AMY2B: variants seen among roughly 807,000 people sequenced by gnomAD.
The protein encoded by AMY2B is alpha-amylase 2B.
A neutral mutation model predicts 59.3 loss-of-function variants in AMY2B; 63 were observed. The ratio of observed to expected loss-of-function variants is 1.06; its 90% CI spans 0.87 to 1.31. The LOEUF (loss-of-function observed/expected upper bound fraction) is 1.31. Among genes scored for constraint, AMY2B ranks in the 50% most tolerant of loss-of-function variants. AMY2B has a pLI of 0.00. For synonymous variants in AMY2B, 180 were observed against 198.1 expected, an observed-to-expected ratio of 0.91 and a Z score of 0.77; for missense variants, 635 against 626.7, an observed-to-expected ratio of 1.01 and a Z score of -0.14.
intron 1 of AMY2B, among the ~76,000 whole-genome samples, chr1:103,560,537 C>A (rs928943225): frequency 6.6e-6 from 1 of 151,618 alleles, no homozygotes; most frequent in African/African-American, 2.4e-5. Context: ...TTTTTTTTAC[C>A]CTATACCACA....
intron 4 of AMY2B, 33 bp from the exon 5 acceptor site, chr1:103,574,227 G>C (rs1456392658): frequency 6.2e-7 from 1 of 1,611,316 alleles, no homozygotes; most frequent in Non-Finnish European, 8.5e-7. Flanking sequence ...AAGTCCTTAT[G>C]CAAAATGTTA....
Position 103,574,352 on chromosome 1 carries a change from A to C in AMY2B, c.837A>C (p.Thr279=), listed in dbSNP as rs550691635. The change falls in exon 5 of 10, where the codon ACA becomes ACC. Residue 279 remains threonine (T), a synonymous_variant. Transcript: ENST00000684275. ...TEFKYGAKLG[T]VIRKWNGEKM... The stretch of plus-strand genomic sequence containing the variant: ...TCAAGTATGGTGCAAAACTCGGCAC[A>C]GTTATTCGCAAGTGGAATGGAGAGA... 1 of 1,611,802 alleles carries C rather than the reference A, an allele frequency of 6.2e-7. No homozygotes were observed. The highest frequency in any genetic ancestry group is 2.2e-5 in the East Asian group (1 of 44,860).
At chr1:103,577,894 G>A (rs1341697947) in intron 9 of AMY2B, 49 bp downstream of exon 9, 1 of 1,590,842 alleles carries the variant, frequency 6.3e-7, no homozygotes, top group Non-Finnish European at 8.5e-7. Context: ...TATGCTCTTG[G>A]TTTATTCCTT....
intron 1 of AMY2B, among the ~76,000 whole-genome samples, chr1:103,558,070 G>A (rs1557764572): frequency 6.6e-6 from 1 of 151,824 alleles, no homozygotes; most frequent in Non-Finnish European, 1.5e-5. Context: ...ATATACTATT[G>A]TTCATAAATA....
chr1:103,578,509 A>C (rs1338831322), intron 9 of AMY2B, among the ~76,000 whole-genome samples: 2 of 152,172 alleles, frequency 1.3e-5, no homozygotes, highest in Non-Finnish European at 2.9e-5. Context: ...CAAACAGTTG[A>C]ATTGTCTCTG....
intron 1 of AMY2B, chr1:103,555,295 A>G (rs1218157590): frequency 1.3e-5 from 2 of 151,592 alleles, no homozygotes; most frequent in Non-Finnish European, 1.5e-5. Flanking sequence ...ACATAATATT[A>G]TAAAAAATAT....
At chr1:103,570,624 C>T (rs1652090398), upstream of AMY2B, 1 of 588,034 alleles carries the variant, frequency 1.7e-6, no homozygotes, top group Non-Finnish European at 3.4e-6. Context: ...GATTAGCAAG[C>T]AATAGTACAA....
chr1:103,575,486 T>A lies in AMY2B; in HGVS notation c.1047T>A (p.Gly349=), dbSNP rs1224739682. The A allele has an allele frequency of 5.6e-6, 9 of 1,613,726 alleles. No homozygotes were observed. The highest frequency in any genetic ancestry group is 2.2e-5 in the South Asian group (2 of 91,050). The stretch of plus-strand genomic sequence containing the variant: ...GATTTATGCTTGCTCATCCTTATGG[T>A]TTTACACGAGTAATGTCAAGCTACC... The part of the protein sequence containing the change: ...AVGFMLAHPY[G]FTRVMSSYRW... The change falls in exon 7 of 10, where the codon GGT becomes GGA. Residue 349 remains glycine, a synonymous_variant. Coordinates refer to ENST00000684275, the MANE Select transcript of AMY2B (RefSeq NM_001387437.1).
rs749647052 is a variant in AMY2B, at chr1:103,573,779, C to A, written c.585C>A (p.Ala195=). 1.2e-6 allele frequency: 2 copies of A among 1,613,712 alleles called. No homozygotes were observed. The highest frequency in any genetic ancestry group is 1.7e-6 in the Non-Finnish European group (2 of 1,179,736). The stretch of plus-strand genomic sequence containing the variant: ...AAGATTATGTGCGTTCCAAGATTGC[C>A]GAATATATGAATCATCTCATTGACA... ...LEKDYVRSKI[A]EYMNHLIDIG... Residue 195 remains alanine, a synonymous_variant, in exon 4 of 10, where the codon GCC becomes GCA. Transcript: ENST00000684275.
At chr1:103,570,058 G>A (rs183777813), upstream of AMY2B, 209 of 435,940 alleles carry the variant, frequency 4.8e-4, 2 homozygotes, top group East Asian at 0.01. Flanking sequence ...TAAGGGCTAC[G>A]CCCTCCCTGA....
At chr1:103,577,290 A>T in intron 7 of AMY2B, 200 bp from the exon 8 acceptor site, 2 of 1,064,188 alleles carry the variant, frequency 1.9e-6, no homozygotes, top group Non-Finnish European at 2.7e-6. Flanking sequence ...TTTGTTTGAA[A>T]TATGGCAAAA....
At chr1:103,570,649 C>G (rs1194744772), upstream of AMY2B, 1 of 587,182 alleles carries the variant, frequency 1.7e-6, no homozygotes, top group Admixed American at 1.9e-5. Flanking sequence ...TTGGCCCCCT[C>G]CATCGTCCAC....
At chr1:103,559,570 T>C (rs1321332556) in intron 1 of AMY2B, among the ~76,000 whole-genome samples, 1 of 152,096 alleles carries the variant, frequency 6.6e-6, no homozygotes, top group African/African-American at 2.4e-5. Context: ...AGCAGTGATA[T>C]ATTAGGAAAA....
chr1:103,564,874 T>C (rs1388397610), intron 1 of AMY2B, among the ~76,000 whole-genome samples: 2 of 152,138 alleles, frequency 1.3e-5, no homozygotes, highest in South Asian at 4.2e-4. Flanking sequence ...TATTCATCGG[T>C]TTCTCTAAAC....
intron 1 of AMY2B, among the ~76,000 whole-genome samples, chr1:103,560,144 G>C (rs781072041): frequency 3.9e-5 from 6 of 152,008 alleles, no homozygotes; most frequent in Non-Finnish European, 7.4e-5. Flanking sequence ...ATTTGGTCAG[G>C]TTAATTAAAA....
At chr1:103,574,234 G>A (rs376333897) in intron 4 of AMY2B, 26 bp from the exon 5 acceptor site, 59 of 1,611,336 alleles carry the variant, frequency 3.7e-5, no homozygotes, top group Non-Finnish European at 4.4e-5. Context: ...TATGCAAAAT[G>A]TTACTTTTTC....
rs2101072042 is a variant in AMY2B at position 103,571,640 on chromosome 1, G to T, written c.38G>T (p.Cys13Phe). 1 of 1,611,862 alleles carries T rather than the reference G, an allele frequency of 6.2e-7. No homozygotes were observed. The highest frequency in any genetic ancestry group is 1.3e-5 in the African/African-American group (1 of 74,966). ...CTGTTGCTTTTCACCATTGGGTTCT[G>T]CTGGGCTCAGTATTCCCCAAATACA... ...FFLLLFTIGF[C>F]WAQYSPNTQQ... is the part of the protein sequence containing the mutation. The change falls in exon 1 of 10, where the codon TGC becomes TTC. Residue 13 changes from cysteine (C) to phenylalanine (F), a missense_variant. Physicochemically the swap from Cys to Phe is radical, Grantham distance 205 (BLOSUM62 -2). Transcript: ENST00000684275.
upstream of AMY2B, chr1:103,571,158 T>A: frequency 1.1e-6 from 1 of 938,370 alleles, no homozygotes; most frequent in Non-Finnish European, 1.3e-6. Flanking sequence ...TCTTAGCTTC[T>A]GTTGTCTGCC....
intron 7 of AMY2B, chr1:103,575,766 T>C: frequency 3.7e-6 from 2 of 545,038 alleles, no homozygotes; most frequent in Admixed American, 4.1e-5. Flanking sequence ...AACATCCCCC[T>C]AGCCCACAGG....
Sources: gnomAD v4.1 joint callset for allele counts (sites outside exome capture counted in the v4.1 genomes callset) on GRCh38, gnomAD v4.1.1 for gene constraint, MANE v1.5 for transcripts, NCBI Gene and HGNC (gene_info 2026-07-23, HGNC 2026-07-21) for gene names.